The following DACH2 variants were observed in gnomAD, a reference collection of about 807,000 sequenced individuals.
DACH2 encodes the protein dachshund homolog 2.
In DACH2, 17 loss-of-function variants were observed where a neutral mutation model predicts 35.8. That is an observed-to-expected ratio of 0.48 (90% CI 0.33 to 0.71). The LOEUF is 0.71. Among genes scored for constraint, DACH2 ranks in the 30% least tolerant of loss-of-function variants. The pLI, the probability that DACH2 is intolerant of heterozygous loss-of-function variation, is 0.02. For synonymous variants in DACH2, 195 were observed against 177.3 expected (o/e 1.10, Z -0.79); for missense variants, 469 against 472.7 (o/e 0.99, Z 0.07).
intron 2 of DACH2, among the ~76,000 whole-genome samples, chrX:86,505,016 C>T: frequency 8.9e-6 from 1 of 112,073 alleles, no homozygotes; most frequent in South Asian, 3.7e-4. Flanking sequence ...TGCAAAGCTT[C>T]AACTCCTTAA....
At chrX:86,328,001 C>T (rs967924233) in intron 1 of DACH2, among the ~76,000 whole-genome samples, 3 of 111,759 alleles carry the variant, frequency 2.7e-5, no homozygotes, top group Non-Finnish European at 1.9e-5. Flanking sequence ...TTTACCATTA[C>T]TGCAATACTT....
chrX:86,317,523 G>A (rs1179663181), intron 1 of DACH2, among the ~76,000 whole-genome samples: 1 of 112,352 alleles, frequency 8.9e-6, no homozygotes, highest in Non-Finnish European at 1.9e-5. Context: ...GAAGTTAATA[G>A]AAGATTTATG....
intron 1 of DACH2, among the ~76,000 whole-genome samples, chrX:86,235,106 A>T (rs1322738150): frequency 9.0e-6 from 1 of 110,780 alleles, no homozygotes; most frequent in African/African-American, 3.3e-5. Context: ...TACAGTTTTG[A>T]GTACTGGTCA....
chrX:86,203,600 A>G (rs1211790496), intron 1 of DACH2, among the ~76,000 whole-genome samples: 1 of 112,107 alleles, frequency 8.9e-6, no homozygotes, highest in Non-Finnish European at 1.9e-5. Context: ...AGATGAATAG[A>G]TTTTAAAAAT....
intron 1 of DACH2, among the ~76,000 whole-genome samples, chrX:86,342,501 T>C (rs1428327732): frequency 2.8e-5 from 3 of 109,063 alleles, no homozygotes; most frequent in African/African-American, 6.7e-5. Context: ...TGAGACCCTG[T>C]CTCAAGAAAA....
At chrX:86,161,052 A>G (rs1312717224) in intron 1 of DACH2, 17 of 1,047,541 alleles carry the variant, frequency 1.6e-5, no homozygotes, top group Non-Finnish European at 2.2e-5. Context: ...TGCCTCCAGC[A>G]TGTTGTCATC....
At chrX:86,277,839 A>G (rs1243077624) in intron 1 of DACH2, among the ~76,000 whole-genome samples, 2 of 112,186 alleles carry the variant, frequency 1.8e-5, no homozygotes, top group Non-Finnish European at 3.8e-5. Flanking sequence ...CATTTGAAGC[A>G]AATTGGAAAG....
chrX:86,193,106 T>G (rs1269888514), intron 1 of DACH2, among the ~76,000 whole-genome samples: 2 of 112,080 alleles, frequency 1.8e-5, no homozygotes, highest in Non-Finnish European at 3.8e-5. Flanking sequence ...ATAACTAGAA[T>G]ATAAATTCTA....
intron 2 of DACH2, among the ~76,000 whole-genome samples, chrX:86,506,245 T>C (rs754224707): frequency 1.7e-3 from 190 of 111,792 alleles, no homozygotes; most frequent in African/African-American, 5.7e-3. Context: ...TAATTCATTA[T>C]GATTGTAGGG....
intron 1 of DACH2, among the ~76,000 whole-genome samples, chrX:86,248,396 A>G (rs1230420273): frequency 9.0e-6 from 1 of 111,320 alleles, no homozygotes; most frequent in Non-Finnish European, 1.9e-5. Flanking sequence ...TTATACACTA[A>G]CAACCTCCAA....
chrX:86,282,393 G>A (rs774046471), intron 1 of DACH2, among the ~76,000 whole-genome samples: 26 of 111,778 alleles, frequency 2.3e-4, no homozygotes, highest in Non-Finnish European at 4.0e-4. Context: ...ACAAAAACAA[G>A]CAATGGGGAA....
chrX:86,651,133 C>A lies in DACH2; in HGVS notation c.738C>A (p.Thr246=), dbSNP rs139247914. Residue 246 remains threonine, a synonymous_variant, in exon 4 of 12, where the codon ACC becomes ACA. Transcript: ENST00000373125. Reference sequence around the variant, plus strand: ...AGGGAAATGGAAGCCAAAATGGGACCGAATCAGAGCCTGATGATCTTAATT... The same window carrying A: ...AGGGAAATGGAAGCCAAAATGGGACAGAATCAGAGCCTGATGATCTTAATT... The part of the protein sequence containing the change: ...TLQGNGSQNG[T]ESEPDDLNSN... The A allele has an allele frequency of 4.2e-5, 51 of 1,207,143 alleles. No individual in the cohort carries two copies. The African/African-American group carries it at 8.1e-4, about 19-fold the overall frequency.
chrX:86,451,449 T>C (rs2037376267), intron 2 of DACH2, among the ~76,000 whole-genome samples: 1 of 111,671 alleles, frequency 9.0e-6, no homozygotes, highest in Non-Finnish European at 1.9e-5. Flanking sequence ...CAGGCTGTTT[T>C]GGTTGCTGTA....
At chrX:86,471,479 T>G (rs762898752) in intron 2 of DACH2, among the ~76,000 whole-genome samples, 4 of 111,566 alleles carry the variant, frequency 3.6e-5, no homozygotes, top group Non-Finnish European at 7.5e-5. Flanking sequence ...CCTCCCTTTA[T>G]GCAATTAGGA....
At chrX:86,498,308 T>A (rs762347357) in intron 2 of DACH2, among the ~76,000 whole-genome samples, 2 of 112,256 alleles carry the variant, frequency 1.8e-5, no homozygotes, top group Non-Finnish European at 3.8e-5. Flanking sequence ...CAAACCCATC[T>A]TCAGAAATAT....
chrX:86,235,192 G>A (rs1484586805), intron 1 of DACH2, among the ~76,000 whole-genome samples: 1 of 111,491 alleles, frequency 9.0e-6, no homozygotes, highest in Non-Finnish European at 1.9e-5. Context: ...ATGGGTTATG[G>A]GAGAAAGACC....
chrX:86,526,893 C>G (rs1294653896), intron 3 of DACH2, among the ~76,000 whole-genome samples: 1 of 109,346 alleles, frequency 9.1e-6, no homozygotes, highest in African/African-American at 3.3e-5. Context: ...TTTCCTTTCT[C>G]AGTAGTGTTA....
chrX:86,508,499 G>A (rs958284293), intron 2 of DACH2, among the ~76,000 whole-genome samples: 1 of 110,224 alleles, frequency 9.1e-6, no homozygotes, highest in African/African-American at 3.3e-5. Context: ...AGCAGAGGTT[G>A]CAGTGGGTTG....
intron 1 of DACH2, among the ~76,000 whole-genome samples, chrX:86,355,591 G>A (rs970820469): frequency 1.1e-4 from 12 of 111,191 alleles, no homozygotes; most frequent in African/African-American, 3.6e-4. Flanking sequence ...GTGCAGTGGC[G>A]CAATTTCAGC....
Sources: gnomAD v4.1 joint callset for allele counts (sites outside exome capture counted in the v4.1 genomes callset) on GRCh38, gnomAD v4.1.1 for gene constraint, MANE v1.5 for transcripts, NCBI Gene and HGNC (gene_info 2026-07-23, HGNC 2026-07-21) for gene names.